AKAP6: variants seen among roughly 807,000 people sequenced by gnomAD.
AKAP6 encodes the protein A-kinase anchor protein 6.
AKAP6 carries 58 observed loss-of-function variants against 188.5 expected under a neutral mutation model. The observed-to-expected ratio is 0.31, with a 90% CI of 0.25 to 0.38. The LOEUF (loss-of-function observed/expected upper bound fraction) is 0.38, where lower values mean the gene tolerates loss of function less well. Ranked by LOEUF, AKAP6 falls within the 10% of genes least tolerant of loss-of-function variation. The pLI is 1.00. For synonymous variants in AKAP6, 989 were observed against 998.6 expected (o/e 0.99, Z 0.18); for missense variants, 2,710 against 2,740.0 (o/e 0.99, Z 0.24).
chr14:32,376,771 A>G (rs1156252253), intron 1 of AKAP6, among the ~76,000 whole-genome samples: 2 of 152,114 alleles, frequency 1.3e-5, no homozygotes, highest in African/African-American at 2.4e-5. Flanking sequence ...ATCTCGGCTC[A>G]CTACAACTTC....
At chr14:32,714,617 C>T (rs2030086040) in intron 9 of AKAP6, among the ~76,000 whole-genome samples, 1 of 151,906 alleles carries the variant, frequency 6.6e-6, no homozygotes, top group Non-Finnish European at 1.5e-5. Context: ...CTTTTGCTGC[C>T]TGTAATGGAA....
intron 2 of AKAP6, among the ~76,000 whole-genome samples, chr14:32,513,439 C>T (rs1271352171): frequency 6.6e-6 from 1 of 152,238 alleles, no homozygotes; most frequent in Middle Eastern, 3.4e-3. Context: ...CTAATGTTAC[C>T]TGGCCACCTG....
chr14:32,583,762 C>T (rs966491385), intron 5 of AKAP6, among the ~76,000 whole-genome samples: 7 of 152,126 alleles, frequency 4.6e-5, no homozygotes, highest in East Asian at 1.9e-4. Flanking sequence ...ACTCCGTGGG[C>T]GTAGGACCCT....
chr14:32,483,001 A>ATGTGTGTG (rs1172945025), intron 2 of AKAP6, among the ~76,000 whole-genome samples: 709 of 68,878 alleles, frequency 0.01, 16 homozygotes, highest in African/African-American at 0.029. Flanking sequence ...ATATATATAT[A>ATGTGTGTG]TATATATATA....
chr14:32,757,085 G>T (rs1387442869), intron 11 of AKAP6, among the ~76,000 whole-genome samples: 1 of 152,136 alleles, frequency 6.6e-6, no homozygotes, highest in Non-Finnish European at 1.5e-5. Flanking sequence ...CAAATGGTGG[G>T]TGTCTTTCCA....
chr14:32,421,766 A>G (rs562432254), intron 1 of AKAP6, among the ~76,000 whole-genome samples: 84 of 152,272 alleles, frequency 5.5e-4, no homozygotes, highest in African/African-American at 1.8e-3. Context: ...ATGTCACTGT[A>G]GGGTAATCTG....
intron 2 of AKAP6, among the ~76,000 whole-genome samples, chr14:32,496,377 G>A (rs1880314371): frequency 1.3e-5 from 2 of 152,026 alleles, no homozygotes; most frequent in Admixed American, 6.6e-5. Flanking sequence ...TTATGATCTT[G>A]AAGTATACAC....
chr14:32,600,104 A>T (rs1885862464), intron 6 of AKAP6, among the ~76,000 whole-genome samples: 3 of 152,210 alleles, frequency 2.0e-5, no homozygotes, highest in African/African-American at 7.2e-5. Context: ...GTAAGACAGG[A>T]TACTTACAGT....
chr14:32,492,355 T>TATATATATATAGAGAGAGAGAGAGAGAG, intron 2 of AKAP6, among the ~76,000 whole-genome samples: 10 of 82,580 alleles, frequency 1.2e-4, no homozygotes, highest in African/African-American at 3.0e-4. Context: ...TATATATATA[T>TATATATATATAGAGAGAGAGAGAGAGAG]AGAGAGAGAG....
In AKAP6 at chr14:32,620,615, C is replaced by G. The variant is rs191327782; in HGVS notation, c.2730+19823C>G. 3.3e-4 allele frequency among the ~76,000 whole-genome samples: 50 copies of G among 152,046 alleles called. No homozygotes were observed. The East Asian group carries it at 8.1e-3, about 25-fold the overall frequency. On this transcript the variant is annotated intron_variant, in intron 7 of 13. Transcript: ENST00000280979. ...ATCTATGTACATCAGAGATATTGGTCTGTAGTTTTCTTTTTTTGTTAAGTC... is the reference window on the plus strand; with the variant it reads ...ATCTATGTACATCAGAGATATTGGTGTGTAGTTTTCTTTTTTTGTTAAGTC...
At chr14:32,780,155 A>ACATATATATATATATATATATATAT (rs140827829) in intron 12 of AKAP6, among the ~76,000 whole-genome samples, 1 of 91,504 alleles carries the variant, frequency 1.1e-5, no homozygotes, top group African/African-American at 4.1e-5. Flanking sequence ...TGAAAAAAAA[A>ACATATATATATATATATATATATAT]ACATATATAT....
At chr14:32,557,054 T>A (rs1210251194) in intron 4 of AKAP6, among the ~76,000 whole-genome samples, 2 of 151,788 alleles carry the variant, frequency 1.3e-5, no homozygotes, top group East Asian at 1.9e-4. Context: ...AAAAAAAAAA[T>A]ACTTTTGAGA....
At chr14:32,717,303 CT>C (rs975721253) in intron 9 of AKAP6, among the ~76,000 whole-genome samples, 20 of 152,184 alleles carry the variant, frequency 1.3e-4, no homozygotes, top group African/African-American at 4.3e-4. Flanking sequence ...TTTTTTCAGC[CT>C]TTATGCAAAA....
chr14:32,583,605 T>C (rs917695758), intron 5 of AKAP6, among the ~76,000 whole-genome samples: 1 of 152,200 alleles, frequency 6.6e-6, no homozygotes, highest in Admixed American at 6.5e-5. Context: ...AGGCAGGCCT[T>C]CTTGAGCTGT....
chr14:32,444,705 A>C (rs547907279), intron 2 of AKAP6, among the ~76,000 whole-genome samples: 1 of 151,612 alleles, frequency 6.6e-6, no homozygotes, highest in South Asian at 2.1e-4. Flanking sequence ...GAAGTCTGAC[A>C]AACTGGCCTT....
intron 1 of AKAP6, among the ~76,000 whole-genome samples, chr14:32,343,514 C>T (rs112452029): frequency 0.016 from 2,437 of 151,746 alleles, 59 homozygotes; most frequent in African/African-American, 0.056. Context: ...TTTGGGAGGC[C>T]GAGGTGGGTG....
At chr14:32,712,648 A>G (rs779307831) in intron 9 of AKAP6, among the ~76,000 whole-genome samples, 1 of 152,114 alleles carries the variant, frequency 6.6e-6, no homozygotes, top group African/African-American at 2.4e-5. Context: ...AGAAACTACT[A>G]TCTTTGCTTA....
intron 8 of AKAP6, among the ~76,000 whole-genome samples, chr14:32,694,458 T>A (rs1202851602): frequency 6.6e-6 from 1 of 152,124 alleles, no homozygotes; most frequent in East Asian, 1.9e-4. Context: ...GAACAGTTAC[T>A]GAATCAATAT....
intron 8 of AKAP6, among the ~76,000 whole-genome samples, chr14:32,681,122 A>C (rs934967710): frequency 6.6e-6 from 1 of 152,224 alleles, no homozygotes; most frequent in African/African-American, 2.4e-5. Context: ...AGGGCCTACT[A>C]TGTGCATGGC....
Sources: gnomAD v4.1 joint callset for allele counts (sites outside exome capture counted in the v4.1 genomes callset) on GRCh38, gnomAD v4.1.1 for gene constraint, MANE v1.5 for transcripts, NCBI Gene and HGNC (gene_info 2026-07-23, HGNC 2026-07-21) for gene names.